Variants in NCAM2 observed in about 807,000 individuals in gnomAD.
NCAM2 encodes the protein N-CAM-2.
Under a neutral mutation model 98.1 loss-of-function variants are expected in NCAM2, and 30 were observed. The ratio of observed to expected loss-of-function variants is 0.31; its 90% CI spans 0.23 to 0.41. The LOEUF (loss-of-function observed/expected upper bound fraction) is 0.41, where lower values mean the gene tolerates loss of function less well. Ranked by LOEUF, NCAM2 falls within the 10% of genes least tolerant of loss-of-function variation. The pLI is 1.00. For missense variants in NCAM2, 867 were observed against 1,005.8 expected, an observed-to-expected ratio of 0.86 and a Z score of 1.87; for synonymous variants, 368 against 342.4, an observed-to-expected ratio of 1.07 and a Z score of -0.83.
intron 1 of NCAM2, among the ~76,000 whole-genome samples, chr21:21,005,051 G>A (rs2146113097): frequency 6.6e-6 from 1 of 152,296 alleles, no homozygotes; most frequent in Non-Finnish European, 1.5e-5. Context: ...TGAATCCAAG[G>A]ATTCACTAAG....
intron 1 of NCAM2, among the ~76,000 whole-genome samples, chr21:21,128,035 T>G (rs1301303876): frequency 6.6e-6 from 1 of 152,106 alleles, no homozygotes; most frequent in Non-Finnish European, 1.5e-5. Context: ...CCTTTGTATT[T>G]TTTTTTAAAG....
At chr21:21,328,823 G>A (rs2074593133) in intron 6 of NCAM2, among the ~76,000 whole-genome samples, 2 of 151,994 alleles carry the variant, frequency 1.3e-5, no homozygotes, top group South Asian at 4.2e-4. Context: ...ATAAAGTCTA[G>A]AGTACTATAC....
chr21:21,435,000 A>G (rs1182138789), intron 12 of NCAM2, among the ~76,000 whole-genome samples: 1 of 152,162 alleles, frequency 6.6e-6, no homozygotes, highest in Non-Finnish European at 1.5e-5. Context: ...CAAGCACACC[A>G]GAAGGAGATA....
intron 9 of NCAM2, among the ~76,000 whole-genome samples, chr21:21,396,532 C>A (rs991643908): frequency 3.3e-5 from 5 of 152,094 alleles, no homozygotes; most frequent in African/African-American, 9.7e-5. Context: ...TCTGCCCACT[C>A]AGCTCATGCT....
At chr21:21,329,923 T>G (rs1487597020) in intron 6 of NCAM2, among the ~76,000 whole-genome samples, 1 of 152,112 alleles carries the variant, frequency 6.6e-6, no homozygotes, top group African/African-American at 2.4e-5. Context: ...TTTTAAATGG[T>G]ATTTACTGGC....
At chr21:21,059,967 A>T (rs2065289082) in intron 1 of NCAM2, among the ~76,000 whole-genome samples, 1 of 152,126 alleles carries the variant, frequency 6.6e-6, no homozygotes. Flanking sequence ...GTTAGCTCCG[A>T]TATGGAAATG....
At chr21:21,009,058 C>T (rs912721939) in intron 1 of NCAM2, among the ~76,000 whole-genome samples, 4 of 152,060 alleles carry the variant, frequency 2.6e-5, no homozygotes, top group African/African-American at 9.7e-5. Context: ...GCTAGTGTCC[C>T]ATTAAATGCA....
In NCAM2 at chr21:21,541,485, C is replaced by T. The variant is rs2146447685; in HGVS notation, c.*3528C>T. 1 of 151,600 alleles carries T rather than the reference C, an allele frequency of 6.6e-6. No individual in the cohort carries two copies. The highest frequency in any genetic ancestry group is 6.6e-5 in the Admixed American group (1 of 15,188). 9.4% of individuals were successfully genotyped at this position (151,600 alleles called of 1,614,324 possible). ...ATCTGTTCTGTATTGTTTTTCTAAA[C>T]AATAAATACATTCTAGATATTGTTG... On this transcript the variant is annotated 3_prime_UTR_variant, in exon 18 of 18. Coordinates refer to ENST00000400546, the MANE Select transcript of NCAM2 (RefSeq NM_004540.5).
intron 8 of NCAM2, among the ~76,000 whole-genome samples, chr21:21,366,969 C>T (rs1216683839): frequency 2.0e-5 from 3 of 151,990 alleles, no homozygotes; most frequent in African/African-American, 4.8e-5. Context: ...TCAATACTTA[C>T]TAATGACTAG....
chr21:21,077,303 G>C (rs577048020), intron 1 of NCAM2, among the ~76,000 whole-genome samples: 91 of 152,112 alleles, frequency 6.0e-4, no homozygotes, highest in Non-Finnish European at 9.1e-4. Flanking sequence ...AATGATTTAA[G>C]CCTAAAAGAG....
intron 1 of NCAM2, among the ~76,000 whole-genome samples, chr21:21,187,453 C>CAAG: frequency 6.6e-6 from 1 of 151,224 alleles, no homozygotes; most frequent in East Asian, 2.0e-4. Flanking sequence ...ACAACAACAA[C>CAAG]AACAACAACA....
intron 1 of NCAM2, among the ~76,000 whole-genome samples, chr21:21,131,989 A>G (rs568870915): frequency 1.5e-4 from 23 of 152,354 alleles, no homozygotes; most frequent in African/African-American, 4.8e-4. Context: ...TCTGTGGATC[A>G]GAAATTTGAA....
At chr21:21,086,122 T>G (rs2065901059) in intron 1 of NCAM2, among the ~76,000 whole-genome samples, 1 of 152,186 alleles carries the variant, frequency 6.6e-6, no homozygotes. Context: ...ATTCTTTACA[T>G]GAGATAGAAT....
In NCAM2 at chr21:21,542,402, C is replaced by G. The variant is rs1468553512; in HGVS notation, c.*4445C>G. On this transcript the variant is annotated 3_prime_UTR_variant, in exon 18 of 18. Transcript: ENST00000400546. Reference sequence around the variant, plus strand: ...ATAGTTTATTACTTTAGGATTTTATCTATAACATAAATATATTATTTGTTA... The same window carrying G: ...ATAGTTTATTACTTTAGGATTTTATGTATAACATAAATATATTATTTGTTA... 6.6e-6 allele frequency: 1 copy of G among 151,676 alleles called. No individual in the cohort carries two copies. Among genetic ancestry groups the G allele is most frequent in the Admixed American group, 6.6e-5 (1 of 15,170 alleles). 9.4% of individuals were successfully genotyped at this position (151,676 alleles called of 1,614,324 possible). A position where few individuals can be genotyped will look rare whatever the true frequency, so the allele number is the denominator to read the frequency against.
intron 1 of NCAM2, among the ~76,000 whole-genome samples, chr21:21,039,671 T>A (rs1358178137): frequency 1.3e-5 from 2 of 152,200 alleles, no homozygotes; most frequent in Non-Finnish European, 2.9e-5. Context: ...TCATTTGGAT[T>A]TTTCGTGTGT....
intron 1 of NCAM2, among the ~76,000 whole-genome samples, chr21:21,071,196 T>C (rs2065555081): frequency 6.6e-6 from 1 of 152,044 alleles, no homozygotes; most frequent in African/African-American, 2.4e-5. Context: ...AATGTAAAAA[T>C]TGAAGAACTT....
At chr21:21,094,818 T>C (rs946825838) in intron 1 of NCAM2, among the ~76,000 whole-genome samples, 12 of 151,706 alleles carry the variant, frequency 7.9e-5, no homozygotes, top group African/African-American at 2.9e-4. Flanking sequence ...CCTATGAAGA[T>C]TTAAGAAAAT....
chr21:21,375,515 A>G (rs949473182), intron 9 of NCAM2, among the ~76,000 whole-genome samples: 13 of 151,814 alleles, frequency 8.6e-5, no homozygotes, highest in African/African-American at 3.1e-4. Context: ...AGAACACACA[A>G]AGGAGGAAGT....
chr21:21,131,948 T>A (rs1402875114), intron 1 of NCAM2, among the ~76,000 whole-genome samples: 1 of 152,184 alleles, frequency 6.6e-6, no homozygotes, highest in African/African-American at 2.4e-5. Context: ...TCACAAAGCT[T>A]AAAAACCACA....
Sources: gnomAD v4.1 joint callset for allele counts (sites outside exome capture counted in the v4.1 genomes callset) on GRCh38, gnomAD v4.1.1 for gene constraint, MANE v1.5 for transcripts, NCBI Gene and HGNC (gene_info 2026-07-23, HGNC 2026-07-21) for gene names.